Variants in KCMF1 observed in about 807,000 individuals in gnomAD.
KCMF1 encodes E3 ubiquitin-protein ligase KCMF1.
Under a neutral mutation model 41.1 loss-of-function variants are expected in KCMF1, and 3 were observed. The observed-to-expected ratio is 0.07, with a 90% confidence interval of 0.03 to 0.19. KCMF1 has a LOEUF of 0.19. Ranked by LOEUF, KCMF1 falls within the 10% of genes least tolerant of loss-of-function variation. The pLI is 1.00. For missense variants in KCMF1, 286 were observed against 488.9 expected, an observed-to-expected ratio of 0.58 and a Z score of 3.91; for synonymous variants, 142 against 164.5, an observed-to-expected ratio of 0.86 and a Z score of 1.04.
chr2:85,055,420 C>T lies in KCMF1; in HGVS notation c.*2011C>T, dbSNP rs1675903707. 1 of 152,096 alleles carries T rather than the reference C, an allele frequency of 6.6e-6. No homozygotes were observed. The highest frequency in any genetic ancestry group is 2.1e-4 in the South Asian group (1 of 4,830). The allele number at this position is 152,096 out of a possible 1,614,324, so 9.4% of individuals were successfully genotyped here. ...GCCAATTATATGTACTTTCCCTTTT[C>T]TGCACAAATTCTGGGAAAATGTAAA... On this transcript the variant is annotated 3_prime_UTR_variant, in exon 7 of 7. Coordinates refer to ENST00000409785, the MANE Select transcript of KCMF1 (RefSeq NM_020122.5).
chr2:84,999,337 G>C (rs1479141486), intron 1 of KCMF1, among the ~76,000 whole-genome samples: 1 of 151,924 alleles, frequency 6.6e-6, no homozygotes, highest in Non-Finnish European at 1.5e-5. Context: ...TTTTTAAGTA[G>C]AGACACGGTT....
chr2:85,015,270 A>G (rs572871085), intron 1 of KCMF1, among the ~76,000 whole-genome samples: 2 of 149,326 alleles, frequency 1.3e-5, no homozygotes, highest in African/African-American at 2.5e-5. Context: ...CCTTCTTTTC[A>G]TTTGCTTAAT....
At chr2:85,008,369 TC>T (rs369220014) in intron 1 of KCMF1, among the ~76,000 whole-genome samples, 22 of 9,362 alleles carry the variant, frequency 2.3e-3, no homozygotes, top group South Asian at 0.011. Flanking sequence ...ATATTATATA[TC>T]ATATGATATA....
At chr2:84,973,679 T>C (rs1346365080) in intron 1 of KCMF1, among the ~76,000 whole-genome samples, 2 of 152,220 alleles carry the variant, frequency 1.3e-5, no homozygotes, top group Non-Finnish European at 2.9e-5. Context: ...ACTGTCATTA[T>C]TGTCATCAGT....
Position 84,972,678 on chromosome 2 carries a change from G to C in KCMF1, c.16+1211G>C, listed in dbSNP as rs151156202. 5.9e-3 allele frequency among the ~76,000 whole-genome samples: 901 copies of C among 152,210 alleles called. 5 individuals are homozygous for C. The highest frequency in any genetic ancestry group is 0.021 in the African/African-American group (852 of 41,526). ...GGGAAGGATATTCTTTGGGAAATAC[G>C]GACCTTAGAATTTCAAGGCTGAAAA... is the stretch of plus-strand genomic sequence containing the variant. On this transcript the variant is annotated intron_variant, in intron 1 of 6. Transcript: ENST00000409785.
chr2:85,055,116 C>G lies in KCMF1; in HGVS notation c.*1707C>G, dbSNP rs1675897566. On this transcript the variant is annotated 3_prime_UTR_variant, in exon 7 of 7. Coordinates refer to ENST00000409785, the MANE Select transcript of KCMF1 (RefSeq NM_020122.5). The stretch of plus-strand genomic sequence containing the variant: ...GCTTCTGGTTACACTAGAAGTCAAG[C>G]CCATTAGGGATTTTCATTTTTTTTC... 1 of 152,108 alleles carries G rather than the reference C, an allele frequency of 6.6e-6. No homozygotes were observed. Among genetic ancestry groups the G allele is most frequent in the Non-Finnish European group, 1.5e-5 (1 of 68,028 alleles). 9.4% of individuals were successfully genotyped at this position (152,108 alleles called of 1,614,324 possible).
intron 1 of KCMF1, among the ~76,000 whole-genome samples, chr2:84,994,508 A>G (rs781038244): frequency 6.6e-6 from 1 of 151,980 alleles, no homozygotes; most frequent in African/African-American, 2.4e-5. Flanking sequence ...GGTTCAAGCG[A>G]TTCTCCTGCC....
intron 1 of KCMF1, among the ~76,000 whole-genome samples, chr2:84,982,630 C>T (rs947252944): frequency 7.9e-5 from 12 of 152,032 alleles, no homozygotes; most frequent in African/African-American, 2.9e-4. Flanking sequence ...GACTCCTGAC[C>T]TCAGGTGATC....
At chr2:85,028,918 T>C (rs1180735466) in intron 2 of KCMF1, among the ~76,000 whole-genome samples, 2 of 152,230 alleles carry the variant, frequency 1.3e-5, no homozygotes, top group South Asian at 2.1e-4. Context: ...AGAAGAAATA[T>C]GCTCTGTCTT....
chr2:84,980,158 T>C (rs928165188), intron 1 of KCMF1, among the ~76,000 whole-genome samples: 1 of 152,198 alleles, frequency 6.6e-6, no homozygotes, highest in African/African-American at 2.4e-5. Flanking sequence ...TAGCCATGTC[T>C]TGATTTATGT....
In KCMF1 at chr2:85,001,217, G is replaced by A. The variant is rs542710314; in HGVS notation, c.17-26672G>A. 5.3e-5 allele frequency among the ~76,000 whole-genome samples: 8 copies of A among 151,880 alleles called. No individual in the cohort carries two copies. In the East Asian group the frequency reaches 7.7e-4, roughly 15 times the overall value. On this transcript the variant is annotated intron_variant, in intron 1 of 6. Transcript: ENST00000409785. ...CTGTCACCCAGGCTGGAGTGCAGTG[G>A]CGTGATCTTGGCTCACTGAAACCTC... is the stretch of plus-strand genomic sequence containing the variant.
rs1324031135 is a variant in KCMF1 at position 85,054,421 on chromosome 2, A to C, written c.*1012A>C. 1 of 152,210 alleles carries C rather than the reference A, an allele frequency of 6.6e-6. No individual in the cohort carries two copies. Among genetic ancestry groups the C allele is most frequent in the African/African-American group, 2.4e-5 (1 of 41,452 alleles). The allele number at this position is 152,210 out of a possible 1,614,324, so 9.4% of individuals were successfully genotyped here. A position where few individuals can be genotyped will look rare whatever the true frequency, so the allele number is the denominator to read the frequency against. On this transcript the variant is annotated 3_prime_UTR_variant, in exon 7 of 7. Coordinates refer to ENST00000409785, the MANE Select transcript of KCMF1 (RefSeq NM_020122.5). ...GAGGATTTGCCTTCCCAGATTTGTC[A>C]GTATATTACAACCAAATTCTTAATG...
At chr2:85,004,491 G>A (rs1476377963) in intron 1 of KCMF1, among the ~76,000 whole-genome samples, 2 of 151,446 alleles carry the variant, frequency 1.3e-5, no homozygotes, top group East Asian at 1.9e-4. Context: ...CAGCCTGGGC[G>A]ACAGAGCAAG....
At position 85,058,690 on chromosome 2, in the gene KCMF1, T is replaced by A. The variant is rs919151420; in HGVS notation, c.*5281T>A. ...TTACAGACTTCCCCTGTAAGAATTT[T>A]CTAAAAGAGCCTTTCTCCCTTACAC... On this transcript the variant is annotated 3_prime_UTR_variant, in exon 7 of 7. Transcript: ENST00000409785. 6.6e-6 allele frequency: 1 copy of A among 152,222 alleles called. No individual in the cohort carries two copies. The highest frequency in any genetic ancestry group is 2.4e-5 in the African/African-American group (1 of 41,458). The allele number at this position is 152,222 out of a possible 1,614,324, so 9.4% of individuals were successfully genotyped here.
intron 1 of KCMF1, among the ~76,000 whole-genome samples, chr2:85,008,651 T>G (rs902655369): frequency 2.6e-5 from 4 of 151,792 alleles, no homozygotes; most frequent in African/African-American, 9.7e-5. Flanking sequence ...CATTGCTTTG[T>G]TGGACCTGAG....
At chr2:84,993,019 C>G (rs1313915324) in intron 1 of KCMF1, among the ~76,000 whole-genome samples, 3 of 151,798 alleles carry the variant, frequency 2.0e-5, no homozygotes, top group Non-Finnish European at 4.4e-5. Flanking sequence ...CTGACGAAAC[C>G]CCTTCTCTGC....
At chr2:85,042,092 C>G (rs1165393510) in intron 3 of KCMF1, among the ~76,000 whole-genome samples, 1 of 152,210 alleles carries the variant, frequency 6.6e-6, no homozygotes, top group African/African-American at 2.4e-5. Flanking sequence ...CTATCTACTT[C>G]TTTTTCTCTT....
intron 1 of KCMF1, among the ~76,000 whole-genome samples, chr2:85,012,950 A>G (rs1232770380): frequency 6.6e-6 from 1 of 152,176 alleles, no homozygotes; most frequent in Non-Finnish European, 1.5e-5. Flanking sequence ...ATTTAGGATA[A>G]CTGCTCTATA....
intron 1 of KCMF1, among the ~76,000 whole-genome samples, chr2:85,005,309 GAC>G (rs1162449390): frequency 1.4e-5 from 2 of 147,794 alleles, no homozygotes; most frequent in Non-Finnish European, 3.0e-5. Context: ...TTTTTTTTGA[GAC>G]AGAGTCTCAC....
Sources: gnomAD v4.1 joint callset for allele counts (sites outside exome capture counted in the v4.1 genomes callset) on GRCh38, gnomAD v4.1.1 for gene constraint, MANE v1.5 for transcripts, NCBI Gene and HGNC (gene_info 2026-07-23, HGNC 2026-07-21) for gene names.